The following STK32B variants were observed in gnomAD, a reference collection of about 807,000 sequenced individuals.
STK32B encodes the protein serine/threonine kinase 32B.
STK32B carries 43 observed loss-of-function variants against 52.6 expected under a neutral mutation model. That is an observed-to-expected ratio of 0.82 (90% CI 0.64 to 1.05). STK32B has a LOEUF of 1.05. STK32B is among the 50% of genes least tolerant of loss of function. The probability of loss-of-function intolerance (pLI) is 0.00; values close to 1 mark genes in which losing one functional copy is unlikely to be tolerated. For missense variants in STK32B, 621 were observed against 534.6 expected, an observed-to-expected ratio of 1.16 and a Z score of -1.59; for synonymous variants, 238 against 204.3, an observed-to-expected ratio of 1.17 and a Z score of -1.41.
chr4:5,258,098 C>T (rs189444448), intron 3 of STK32B, among the ~76,000 whole-genome samples: 4 of 152,280 alleles, frequency 2.6e-5, no homozygotes, highest in Non-Finnish European at 5.9e-5. Flanking sequence ...TTATGTGGCT[C>T]AATTCATAGG....
At chr4:5,490,200 G>C (rs561875652) in intron 11 of STK32B, among the ~76,000 whole-genome samples, 2 of 151,574 alleles carry the variant, frequency 1.3e-5, no homozygotes, top group African/African-American at 4.9e-5. Context: ...TCTACCTCCC[G>C]GGTTCAAGCA....
intron 1 of STK32B, among the ~76,000 whole-genome samples, chr4:5,091,159 T>C (rs1230331489): frequency 6.6e-6 from 1 of 152,180 alleles, no homozygotes; most frequent in East Asian, 1.9e-4. Flanking sequence ...AGATTTCACC[T>C]TGGGCAAGTG....
At chr4:5,390,364 C>T (rs1736520621) in intron 4 of STK32B, among the ~76,000 whole-genome samples, 1 of 152,226 alleles carries the variant, frequency 6.6e-6, no homozygotes, top group South Asian at 2.1e-4. Context: ...TTTCCCCTTT[C>T]ACATTAATGC....
chr4:5,447,051 G>T (rs758464193), intron 7 of STK32B: 1 of 316,950 alleles, frequency 3.2e-6, no homozygotes, highest in Non-Finnish European at 6.0e-6. Flanking sequence ...AAACATCAAA[G>T]CGCCTTGGCC....
chr4:5,184,803 A>G (rs943074913), intron 3 of STK32B, among the ~76,000 whole-genome samples: 4 of 152,258 alleles, frequency 2.6e-5, no homozygotes, highest in Admixed American at 2.0e-4. Context: ...ACAGAGACAC[A>G]AAGTGAGCAC....
At chr4:5,153,524 A>G (rs374320541) in intron 2 of STK32B, among the ~76,000 whole-genome samples, 41 of 151,896 alleles carry the variant, frequency 2.7e-4, no homozygotes, top group African/African-American at 9.4e-4. Context: ...AAAAAGCTCT[A>G]AAGAAAGTAG....
chr4:5,067,912 A>G (rs1286857453), intron 1 of STK32B, among the ~76,000 whole-genome samples: 1 of 152,050 alleles, frequency 6.6e-6, no homozygotes, highest in Non-Finnish European at 1.5e-5. Flanking sequence ...AAACAACCAG[A>G]TCTCATGAGA....
At chr4:5,331,541 C>G in intron 4 of STK32B, 148 bp downstream of exon 4, 1 of 830,896 alleles carries the variant, frequency 1.2e-6, no homozygotes, top group South Asian at 2.0e-5. Flanking sequence ...CACTTTTCTT[C>G]CTATTTTTTT....
intron 3 of STK32B, among the ~76,000 whole-genome samples, chr4:5,294,467 T>C (rs1729072038): frequency 6.6e-6 from 1 of 152,172 alleles, no homozygotes; most frequent in Non-Finnish European, 1.5e-5. Context: ...GGTTTATAGT[T>C]CTCCTTGAAG....
chr4:5,344,046 T>C (rs1733285734), intron 4 of STK32B, among the ~76,000 whole-genome samples: 1 of 152,180 alleles, frequency 6.6e-6, no homozygotes, highest in African/African-American at 2.4e-5. Flanking sequence ...CCATAGGCAG[T>C]GCTGTTGGAT....
At chr4:5,137,843 A>T (rs538415376) in intron 1 of STK32B, among the ~76,000 whole-genome samples, 1 of 152,304 alleles carries the variant, frequency 6.6e-6, no homozygotes, top group East Asian at 1.9e-4. Flanking sequence ...AGGCCAATGA[A>T]AAGTTTTTCC....
At position 5,051,848 on chromosome 4, in the gene STK32B, G is replaced by A. The variant is rs775745436; in HGVS notation, c.-16G>A. 15 of 1,593,020 alleles carry A rather than the reference G, an allele frequency of 9.4e-6. No individual in the cohort carries two copies. The Admixed American group carries it at 2.1e-4, about 22-fold the overall frequency. ...CCCAGCGGCCGGGCATGTAGCAGCG[G>A]CAGCAACGGCGGAATATGGGCGGGA... On this transcript the variant is annotated 5_prime_UTR_variant, in exon 1 of 12. Coordinates refer to ENST00000282908, the MANE Select transcript of STK32B (RefSeq NM_018401.3).
chr4:5,137,994 A>T (rs538991445), intron 1 of STK32B, among the ~76,000 whole-genome samples: 1 of 152,234 alleles, frequency 6.6e-6, no homozygotes, highest in East Asian at 1.9e-4. Flanking sequence ...GGACCTCGGG[A>T]GTTTCTCGAC....
intron 8 of STK32B, among the ~76,000 whole-genome samples, chr4:5,457,212 CTT>C (rs1230307057): frequency 1.6e-4 from 18 of 114,948 alleles, no homozygotes; most frequent in African/African-American, 1.7e-4. Context: ...TTTTTTTTTT[CTT>C]TTTTTTTTTT....
chr4:5,318,898 T>C (rs6845996), intron 3 of STK32B, among the ~76,000 whole-genome samples: 36,011 of 151,660 alleles, frequency 0.24, 7,042 homozygotes, highest in African/African-American at 0.55. Flanking sequence ...CCCCTGGGTT[T>C]ATGCCATTCA....
chr4:5,426,692 C>CAAAAAAAAAAAAAA (rs746246839), intron 6 of STK32B, among the ~76,000 whole-genome samples: 17 of 78,018 alleles, frequency 2.2e-4, no homozygotes, highest in South Asian at 5.8e-4. Flanking sequence ...TCCATCTAAA[C>CAAAAAAAAAAAAAA]AAAAAAAAAA....
At chr4:5,472,770 C>G (rs990769070) in intron 11 of STK32B, among the ~76,000 whole-genome samples, 1 of 152,162 alleles carries the variant, frequency 6.6e-6, no homozygotes. Context: ...ATTTGTTACA[C>G]CAAATAATAC....
chr4:5,114,936 T>C (rs1210414153), intron 1 of STK32B, among the ~76,000 whole-genome samples: 1 of 152,032 alleles, frequency 6.6e-6, no homozygotes, highest in Non-Finnish European at 1.5e-5. Flanking sequence ...CCCCATATAA[T>C]GAACAAGAGC....
At chr4:5,365,293 C>T (rs183536716) in intron 4 of STK32B, among the ~76,000 whole-genome samples, 29 of 152,260 alleles carry the variant, frequency 1.9e-4, no homozygotes, top group Admixed American at 1.4e-3. Flanking sequence ...GATTTATTTA[C>T]GTATCTGCCT....
Sources: gnomAD v4.1 joint callset for allele counts (sites outside exome capture counted in the v4.1 genomes callset) on GRCh38, gnomAD v4.1.1 for gene constraint, MANE v1.5 for transcripts, NCBI Gene and HGNC (gene_info 2026-07-23, HGNC 2026-07-21) for gene names.